The following RSPH10B variants were observed in gnomAD, a reference collection of about 807,000 sequenced individuals.
The protein encoded by RSPH10B is radial spoke head 10 homolog B (Chlamydomonas).
In RSPH10B, 7 loss-of-function variants were observed where a neutral mutation model predicts 52.5. The ratio of observed to expected loss-of-function variants is 0.13; its 90% CI spans 0.08 to 0.25. The LOEUF is 0.25. Ranked by LOEUF, RSPH10B falls within the 10% of genes least tolerant of loss-of-function variation. The pLI is 1.00. For missense variants in RSPH10B, 89 were observed against 542.5 expected, an observed-to-expected ratio of 0.16 and a Z score of 8.30; for synonymous variants, 28 against 193.2, an observed-to-expected ratio of 0.14 and a Z score of 7.09.
intron 18 of RSPH10B, among the ~76,000 whole-genome samples, chr7:5,927,064 G>GTATA (rs1256218789): frequency 0.14 from 13,167 of 96,762 alleles, 245 homozygotes; most frequent in East Asian, 0.3. Flanking sequence ...GTGTGTGTGT[G>GTATA]TGTATATGTG....
chr7:5,927,033 GTGTGTGTGTGTGTATTA>G (rs1426024516), intron 18 of RSPH10B, among the ~76,000 whole-genome samples: 59 of 45,546 alleles, frequency 1.3e-3, no homozygotes, highest in South Asian at 4.9e-3. Context: ...GTGTGTGTGT[GTGTGTGTGTGTGTATTA>G]TGTGTGTGTG....
intron 6 of RSPH10B, among the ~76,000 whole-genome samples, chr7:5,956,592 G>A (rs1207999499): frequency 1.4e-5 from 2 of 145,364 alleles, no homozygotes; most frequent in African/African-American, 5.0e-5. Context: ...TATTTTTTGA[G>A]AAAGGGTCTC....
chr7:5,943,447 C>T, exon 13 of RSPH10B: 1 of 1,590,438 alleles, frequency 6.3e-7, no homozygotes, highest in Non-Finnish European at 8.6e-7. Context: ...AGTAGAGCGT[C>T]CGCTGTTGCT....
chr7:5,930,939 C>CT (rs1195006724), intron 17 of RSPH10B, among the ~76,000 whole-genome samples: 16 of 60,370 alleles, frequency 2.7e-4, no homozygotes, highest in East Asian at 1.7e-3. Flanking sequence ...TCCTTTTTTC[C>CT]TTTTTTTTTT....
intron 18 of RSPH10B, among the ~76,000 whole-genome samples, chr7:5,927,045 G>A (rs62453636): frequency 0.05 from 6,067 of 121,024 alleles, 40 homozygotes; most frequent in Middle Eastern, 0.079. Flanking sequence ...GTGTGTGTGT[G>A]TATTATGTGT....
At chr7:5,954,323 G>C (rs371667209) in intron 7 of RSPH10B, among the ~76,000 whole-genome samples, 9,899 of 27,348 alleles carry the variant, frequency 0.36, 736 homozygotes, top group Middle Eastern at 0.46. Flanking sequence ...ATTTTTAGTA[G>C]AGACGGGGTT....
Position 5,937,086 on chromosome 7 carries a change from C to CTCAA in RSPH10B, c.2010+671_2010+672insTTGA, listed in dbSNP as rs1779958849. Among the ~76,000 whole-genome samples the CTCAA allele has an allele frequency of 8.4e-3, 211 of 25,108 alleles. 1 individual carries two copies. The highest frequency in any genetic ancestry group is 0.022 in the African/African-American group (207 of 9,474). 16.5% of individuals were successfully genotyped at this position (25,108 alleles called of 152,430 possible). On this transcript the variant is annotated intron_variant, in intron 15 of 18. Transcript: ENST00000337579. The stretch of plus-strand genomic sequence containing the variant: ...TGGGCAACAGAATGAAGCTCTGTCT[C>CTCAA]AAAAAAAAAAAAAAAAAAAGAATTA...
chr7:5,942,517 G>A (rs1208942323), intron 13 of RSPH10B, among the ~76,000 whole-genome samples: 20 of 135,196 alleles, frequency 1.5e-4, no homozygotes, highest in Admixed American at 4.0e-4. Context: ...GGGGTGCCCC[G>A]CTGTACTCGG....
At chr7:5,927,022 C>T (rs1313384302) in intron 18 of RSPH10B, among the ~76,000 whole-genome samples, 13 of 96,010 alleles carry the variant, frequency 1.4e-4, no homozygotes, top group African/African-American at 4.8e-4. Context: ...CCCAAAGTTA[C>T]GTGTGTGTGT....
At chr7:5,927,039 GTGTGTGTATTATGTGTGTGTGTGTGTGTA>G (rs1328879468) in intron 18 of RSPH10B, among the ~76,000 whole-genome samples, 2 of 41,254 alleles carry the variant, frequency 4.8e-5, no homozygotes, top group African/African-American at 1.0e-4. Flanking sequence ...GTGTGTGTGT[GTGTGTGTATTATGTGTGTGTGTGTGTGTA>G]TATGTGTGTG....
intron 13 of RSPH10B, among the ~76,000 whole-genome samples, chr7:5,940,152 G>A (rs1291164282): frequency 1.5e-4 from 16 of 106,460 alleles, no homozygotes; most frequent in East Asian, 2.3e-4. Context: ...AGGTGAGATC[G>A]TGCCACCGCA....
intron 11 of RSPH10B, among the ~76,000 whole-genome samples, 191 bp from the exon 14 acceptor site, chr7:5,944,181 G>A (rs1252870834): frequency 4.0e-5 from 6 of 151,042 alleles, no homozygotes; most frequent in Non-Finnish European, 7.4e-5. Flanking sequence ...CGGATCACTC[G>A]AGGTCAGGAG....
intron 13 of RSPH10B, among the ~76,000 whole-genome samples, chr7:5,942,612 G>A (rs1457079484): frequency 4.8e-5 from 7 of 146,564 alleles, no homozygotes; most frequent in South Asian, 2.1e-4. Flanking sequence ...CTGTAATTCC[G>A]GCACTTAGGG....
At chr7:5,931,078 C>T (rs1334123200) in intron 17 of RSPH10B, among the ~76,000 whole-genome samples, 2 of 121,400 alleles carry the variant, frequency 1.6e-5, no homozygotes, top group African/African-American at 6.1e-5. Flanking sequence ...GGACTACAGG[C>T]GTGTGCCACC....
At chr7:5,938,580 CAA>C (rs1007469421) in intron 14 of RSPH10B, 140 bp downstream of exon 16, 1,094 of 12,570 alleles carry the variant, frequency 0.087, no homozygotes, top group Middle Eastern at 0.13. Context: ...ACTCCGTCTC[CAA>C]AAAAAAAAAA....
intron 18 of RSPH10B, among the ~76,000 whole-genome samples, chr7:5,927,697 A>G (rs1462853636): frequency 1.4e-5 from 2 of 147,322 alleles, no homozygotes; most frequent in Non-Finnish European, 3.0e-5. Context: ...GCACTTTGGG[A>G]GGCCAAAGCT....
chr7:5,927,023 GTGTGTGTGTGTGTGTGTGTGTGTATTA>G (rs1484279439), intron 18 of RSPH10B, among the ~76,000 whole-genome samples: 15,393 of 47,386 alleles, frequency 0.32, 538 homozygotes, highest in African/African-American at 0.4. Context: ...CCAAAGTTAC[GTGTGTGTGTGTGTGTGTGTGTGTATTA>G]TGTGTGTGTG....
intron 11 of RSPH10B, 88 bp downstream of exon 13, chr7:5,944,976 A>C (rs1473611799): frequency 2.0e-6 from 1 of 494,458 alleles, no homozygotes; most frequent in African/African-American, 2.1e-5. Flanking sequence ...AAAAATAAAA[A>C]TGACTGCTGA....
intron 15 of RSPH10B, among the ~76,000 whole-genome samples, chr7:5,937,086 C>CTCAAA (rs1779958849): frequency 2.4e-4 from 6 of 25,104 alleles, no homozygotes; most frequent in African/African-American, 6.3e-4. Flanking sequence ...AGCTCTGTCT[C>CTCAAA]AAAAAAAAAA....
Sources: allele counts gnomAD v4.1 joint callset (sites outside exome capture counted in the v4.1 genomes callset), GRCh38; gene constraint gnomAD v4.1.1; transcripts MANE v1.5; gene names NCBI Gene and HGNC (gene_info 2026-07-23, HGNC 2026-07-21).